Variants in TRIM14 observed in about 807,000 individuals in gnomAD.
TRIM14 encodes tripartite motif containing 14.
In TRIM14, 28 loss-of-function variants were observed where a neutral mutation model predicts 44.5. The observed-to-expected ratio is 0.63, with a 90% CI of 0.47 to 0.86. The LOEUF is 0.86. Ranked by LOEUF, TRIM14 falls within the 40% of genes least tolerant of loss-of-function variation. The pLI, the probability that TRIM14 is intolerant of heterozygous loss-of-function variation, is 0.00. For missense variants in TRIM14, 607 were observed against 611.1 expected (o/e 0.99, Z 0.07); for synonymous variants, 299 against 269.2 (o/e 1.11, Z -1.08).
the TRIM14 span, among the ~76,000 whole-genome samples, chr9:98,064,205 G>T: frequency 3.9e-5 from 6 of 151,982 alleles, no homozygotes; most frequent in Non-Finnish European, 5.9e-5. Context: ...CACAGCATTC[G>T]TACGCATGAC....
chr9:98,083,108 G>GTGTT, downstream of TRIM14: 1 of 1,565,964 alleles, frequency 6.4e-7, no homozygotes, highest in Middle Eastern at 1.7e-4. Context: ...GCTGTCAGGT[G>GTGTT]TGTTTGAGTG....
chr9:98,111,057 C>T (rs563455963), intron 1 of TRIM14, among the ~76,000 whole-genome samples: 2 of 149,802 alleles, frequency 1.3e-5, no homozygotes, highest in Admixed American at 6.6e-5. Context: ...GTCCCCCCCC[C>T]CAAAAAAAAA....
intron 3 of TRIM14, among the ~76,000 whole-genome samples, chr9:98,098,471 AG>A (rs1826263727): frequency 6.6e-6 from 1 of 151,896 alleles, no homozygotes; most frequent in Middle Eastern, 3.2e-3. Context: ...CAGCACTTTG[AG>A]GGGCCGAGGG....
the TRIM14 span, chr9:98,056,989 G>A: frequency 1.3e-6 from 2 of 1,512,464 alleles, no homozygotes; most frequent in Non-Finnish European, 1.8e-6. Flanking sequence ...GGGAGGGGCG[G>A]GGCGGGGCCG....
At chr9:98,057,789 C>G in the TRIM14 span, among the ~76,000 whole-genome samples, 4 of 151,848 alleles carry the variant, frequency 2.6e-5, no homozygotes, top group African/African-American at 9.7e-5. Context: ...ATCAATGCTA[C>G]TCAACTGATT....
chr9:98,055,585 T>G, the TRIM14 span, among the ~76,000 whole-genome samples: 1 of 152,084 alleles, frequency 6.6e-6, no homozygotes, highest in Non-Finnish European at 1.5e-5. Context: ...CAGGAGCAAT[T>G]TGGGGAGGGT....
chr9:98,104,857 C>T (rs1230301520), intron 2 of TRIM14, among the ~76,000 whole-genome samples: 1 of 152,204 alleles, frequency 6.6e-6, no homozygotes, highest in Non-Finnish European at 1.5e-5. Flanking sequence ...AAGGAGGGCG[C>T]TGTTTTGCTG....
intron 2 of TRIM14, among the ~76,000 whole-genome samples, chr9:98,104,159 G>A (rs991111787): frequency 1.3e-5 from 2 of 152,188 alleles, no homozygotes; most frequent in Admixed American, 6.5e-5. Context: ...CTGGGAATTA[G>A]TCCACATTTT....
intron 2 of TRIM14, among the ~76,000 whole-genome samples, chr9:98,103,173 A>G (rs1400488758): frequency 6.6e-6 from 1 of 152,018 alleles, no homozygotes. Context: ...CAACAGAACG[A>G]GACTCCATCT....
Position 98,100,024 on chromosome 9 carries a change from A to T in TRIM14, c.444T>A (p.Ala148=). The T allele has an allele frequency of 1.9e-6, 3 of 1,614,216 alleles. No individual in the cohort carries two copies. Among genetic ancestry groups the T allele is most frequent in the Non-Finnish European group, 2.5e-6 (3 of 1,180,032 alleles). The change falls in exon 3 of 6, where the codon GCT becomes GCA. Residue 148 remains alanine, a synonymous_variant. Coordinates refer to ENST00000341469, the MANE Select transcript of TRIM14 (RefSeq NM_014788.4). The part of the protein sequence containing the change: ...QLTLQVYREQ[A]DSCREQLDIM... ...TGTCAAGTTGCTCTCTGCAAGAGTC[A>T]GCTTGTTCCCTGTACACCTGGAGGG...
intron 1 of TRIM14, among the ~76,000 whole-genome samples, chr9:98,117,276 T>TTTTATTTATTTATTTATTTA (rs55719181): frequency 6.8e-6 from 1 of 147,530 alleles, no homozygotes; most frequent in South Asian, 2.2e-4. Flanking sequence ...AGATTCTCTG[T>TTTTATTTATTTATTTATTTA]TTTATTTATT....
the TRIM14 span, among the ~76,000 whole-genome samples, chr9:98,036,908 C>T: frequency 6.6e-6 from 1 of 152,232 alleles, no homozygotes; most frequent in Admixed American, 6.5e-5. Context: ...AGTGACAATG[C>T]AAGGCTCCAG....
chr9:98,060,654 G>T, the TRIM14 span: 2 of 921,782 alleles, frequency 2.2e-6, no homozygotes, highest in Non-Finnish European at 3.4e-6. Flanking sequence ...CTGGGTGAAA[G>T]AGCGAAACTC....
At chr9:98,099,358 A>T (rs1826303620) in intron 3 of TRIM14, among the ~76,000 whole-genome samples, 1 of 150,424 alleles carries the variant, frequency 6.6e-6, no homozygotes, top group Non-Finnish European at 1.5e-5. Flanking sequence ...AGGCTGAGCC[A>T]GGAGAACTGC....
At chr9:98,043,989 T>G in the TRIM14 span, among the ~76,000 whole-genome samples, 1 of 150,660 alleles carries the variant, frequency 6.6e-6, no homozygotes, top group Non-Finnish European at 1.5e-5. Flanking sequence ...CTCCGCCTTC[T>G]TAGATTATTT....
chr9:98,089,902 T>C lies in TRIM14; in HGVS notation c.794-1897A>G, dbSNP rs576925393. Among the ~76,000 whole-genome samples, 118 of 152,342 alleles carry C rather than the reference T, an allele frequency of 7.7e-4. 1 individual carries two copies. The highest frequency in any genetic ancestry group is 2.7e-3 in the African/African-American group (111 of 41,580). ...GTACCTCTTCCCCTAAGCTAATCTT[T>C]AGAATAAAACCACTTTCTTTATACC... On this transcript the variant is annotated intron_variant, in intron 5 of 5. Transcript: ENST00000341469.
downstream of TRIM14, chr9:98,081,186 T>C (rs917959980): frequency 1.0e-5 from 15 of 1,484,388 alleles, no homozygotes; most frequent in Middle Eastern, 1.8e-4. Flanking sequence ...GCCAGGCTGA[T>C]GAAATGATCA....
chr9:98,081,148 A>G (rs1390302384), downstream of TRIM14: 1 of 1,590,822 alleles, frequency 6.3e-7, no homozygotes, highest in Non-Finnish European at 8.6e-7. Flanking sequence ...CTGGCCTGAG[A>G]GGGATGGTCA....
chr9:98,067,433 T>A (rs1490320370), downstream of TRIM14, among the ~76,000 whole-genome samples: 2 of 152,194 alleles, frequency 1.3e-5, no homozygotes, highest in East Asian at 1.9e-4. Context: ...ATTCTAGCCA[T>A]CCTAGTGGAT....
Sources: gnomAD v4.1 joint callset for allele counts (sites outside exome capture counted in the v4.1 genomes callset) on GRCh38, gnomAD v4.1.1 for gene constraint, MANE v1.5 for transcripts, NCBI Gene and HGNC (gene_info 2026-07-23, HGNC 2026-07-21) for gene names.